The following AK8 variants were observed in gnomAD, a reference collection of about 807,000 sequenced individuals.
AK8 encodes the protein ATP-AMP transphosphorylase 8.
A neutral mutation model predicts 54.6 loss-of-function variants in AK8; 44 were observed. The ratio of observed to expected loss-of-function variants is 0.81; its 90% CI spans 0.63 to 1.04. AK8 has a LOEUF of 1.04. Ranked by LOEUF, AK8 falls within the 50% of genes least tolerant of loss-of-function variation. The pLI is 0.00. For synonymous variants in AK8, 239 were observed against 245.6 expected (o/e 0.97, Z 0.25); for missense variants, 555 against 613.6 (o/e 0.90, Z 1.01).
chr9:132,843,454 T>G (rs748631393), intron 5 of AK8, among the ~76,000 whole-genome samples: 1 of 152,182 alleles, frequency 6.6e-6, no homozygotes, highest in Non-Finnish European at 1.5e-5. Context: ...TAAACCTCAT[T>G]TCTTTATAAA....
At chr9:132,811,979 G>A (rs1841035693) in intron 10 of AK8, among the ~76,000 whole-genome samples, 1 of 152,186 alleles carries the variant, frequency 6.6e-6, no homozygotes, top group Non-Finnish European at 1.5e-5. Flanking sequence ...TACCTCAGCT[G>A]CTTGGCCATT....
chr9:132,731,383 G>A (rs1013698485), intron 11 of AK8, among the ~76,000 whole-genome samples: 1 of 152,128 alleles, frequency 6.6e-6, no homozygotes, highest in East Asian at 1.9e-4. Flanking sequence ...TCTTTTGGGC[G>A]TGTCTGTGCA....
chr9:132,819,906 A>G (rs912862934), intron 9 of AK8, among the ~76,000 whole-genome samples: 2 of 152,130 alleles, frequency 1.3e-5, no homozygotes, highest in African/African-American at 4.8e-5. Flanking sequence ...TACACAAGTC[A>G]AAAAAGAAAC....
intron 10 of AK8, among the ~76,000 whole-genome samples, chr9:132,801,007 C>T (rs1840429322): frequency 1.3e-5 from 2 of 151,584 alleles, no homozygotes; most frequent in African/African-American, 2.4e-5. Flanking sequence ...TCACTACAAC[C>T]TCTACCTCCT....
intron 10 of AK8, among the ~76,000 whole-genome samples, chr9:132,809,465 C>A (rs1840893050): frequency 6.6e-6 from 1 of 152,210 alleles, no homozygotes; most frequent in African/African-American, 2.4e-5. Flanking sequence ...CATCCTCCCG[C>A]TGGCAGGCAC....
At chr9:132,822,322 T>C (rs1165155378) in intron 9 of AK8, among the ~76,000 whole-genome samples, 1 of 149,118 alleles carries the variant, frequency 6.7e-6, no homozygotes, top group African/African-American at 2.5e-5. Context: ...TATGTGTATG[T>C]ATATACAAAT....
Position 132,826,741 on chromosome 9 carries a change from C to A in AK8, c.757+113G>T. 1 of 1,250,202 alleles carries A rather than the reference C, an allele frequency of 8.0e-7. No individual in the cohort carries two copies. The highest frequency in any genetic ancestry group is 2.4e-5 in the East Asian group (1 of 42,308). The allele number at this position is 1,250,202 out of a possible 1,614,324, so 77.4% of individuals were successfully genotyped here. On this transcript the variant is annotated intron_variant, in intron 8 of 12. Coordinates refer to ENST00000298545, the MANE Select transcript of AK8 (RefSeq NM_152572.3). This position sits in a 1 kb window ranked among gnomAD's most constrained non-coding sequence, Gnocchi z 4.5. Reference sequence around the variant, plus strand: ...ATCTATGTCTTGACTTCCAGGGTCCCAGGCATGTCCCAGACACTGGCCACT... The same window carrying A: ...ATCTATGTCTTGACTTCCAGGGTCCAAGGCATGTCCCAGACACTGGCCACT...
rs367566679 is a variant in AK8, at chr9:132,870,767, G to C, written c.170-3814C>G. ...CCCAGGCCCAGTAAGAGGAAGGGTT[G>C]AGGTCCTAGCTATAGTTACCCCAGG... On this transcript the variant is annotated intron_variant, in intron 2 of 12. Transcript: ENST00000298545. 1.1e-4 allele frequency among the ~76,000 whole-genome samples: 17 copies of C among 152,232 alleles called. 1 individual carries two copies. The highest frequency in any genetic ancestry group is 3.1e-4 in the African/African-American group (13 of 41,438).
At chr9:132,785,965 G>T (rs1345463956) in intron 11 of AK8, among the ~76,000 whole-genome samples, 1 of 152,192 alleles carries the variant, frequency 6.6e-6, no homozygotes, top group Admixed American at 6.5e-5. Context: ...GATAGGAAAG[G>T]CACTTTGAAA....
Position 132,781,685 on chromosome 9 carries a change from G to A in AK8, c.1121+10949C>T, listed in dbSNP as rs1839475066. Among the ~76,000 whole-genome samples, 1 of 151,980 alleles carries A rather than the reference G, an allele frequency of 6.6e-6. No homozygotes were observed. Among genetic ancestry groups the A allele is most frequent in the African/African-American group, 2.4e-5 (1 of 41,370 alleles). On this transcript the variant is annotated intron_variant, in intron 11 of 12. Transcript: ENST00000298545. The surrounding 1 kb of genome is among the most constrained non-coding windows in gnomAD (Gnocchi z 4.6). ...ATCGTATTCCCAGATTGATTTCTAGGCTATAATTCTGTCAAGATTTCCTCC... is the reference window on the plus strand; with the variant it reads ...ATCGTATTCCCAGATTGATTTCTAGACTATAATTCTGTCAAGATTTCCTCC...
At chr9:132,778,049 C>A (rs945128212) in intron 11 of AK8, among the ~76,000 whole-genome samples, 2 of 152,226 alleles carry the variant, frequency 1.3e-5, no homozygotes. Flanking sequence ...AGAATGATGT[C>A]AGGTCCTGTT....
At chr9:132,873,723 GC>G (rs60238728) in intron 2 of AK8, among the ~76,000 whole-genome samples, 34,584 of 151,930 alleles carry the variant, frequency 0.23, 4,297 homozygotes, top group East Asian at 0.45. Flanking sequence ...CACCCACTCG[GC>G]CTCAGGGTGG....
chr9:132,827,528 C>T (rs925259678), intron 7 of AK8: 1 of 212,160 alleles, frequency 4.7e-6, no homozygotes, highest in Non-Finnish European at 9.5e-6. Flanking sequence ...GCAGTCCCGT[C>T]TCCCCCCACC....
intron 10 of AK8, among the ~76,000 whole-genome samples, chr9:132,812,549 T>TGATCCGCCGCGCCCACTGGGATGACGGGG (rs1841099077): frequency 7.1e-6 from 1 of 140,358 alleles, no homozygotes; most frequent in Non-Finnish European, 1.6e-5. Flanking sequence ...GGATGACGGG[T>TGATCCGCCGCGCCCACTGGGATGACGGGG]GAGCCGCCGC....
At chr9:132,866,834 C>A in intron 3 of AK8, 70 bp downstream of exon 3, 2 of 1,386,940 alleles carry the variant, frequency 1.4e-6, no homozygotes, top group South Asian at 1.2e-5. Context: ...CACGGAGGTG[C>A]AGTCTCATTC....
At chr9:132,744,443 C>T (rs1166505377) in intron 11 of AK8, among the ~76,000 whole-genome samples, 2 of 148,792 alleles carry the variant, frequency 1.3e-5, no homozygotes, top group Admixed American at 1.3e-4. Flanking sequence ...AGGATAGATG[C>T]TGTTTTCAAA....
Position 132,828,090 on chromosome 9 carries a change from C to T in AK8, c.485-6G>A. 4 of 1,566,876 alleles carry T rather than the reference C, an allele frequency of 2.6e-6. No individual in the cohort carries two copies. Among genetic ancestry groups the T allele is most frequent in the Non-Finnish European group, 3.5e-6 (4 of 1,154,708 alleles). On this transcript the variant is annotated splice_polypyrimidine_tract_variant and splice_region_variant and intron_variant, in intron 6 of 12. Coordinates refer to ENST00000298545, the MANE Select transcript of AK8 (RefSeq NM_152572.3). ...GTCTGGAGCACTCAGCACAACTGGG[C>T]AGAGAAGAAAAGGAGCAAAACCAGG...
intron 5 of AK8, among the ~76,000 whole-genome samples, chr9:132,840,999 T>A (rs1842520430): frequency 6.6e-6 from 1 of 152,136 alleles, no homozygotes; most frequent in Non-Finnish European, 1.5e-5. Context: ...ACCCAAGTCA[T>A]CCAGCATGTA....
chr9:132,873,952 A>G (rs1340478108), intron 2 of AK8, among the ~76,000 whole-genome samples: 2 of 152,222 alleles, frequency 1.3e-5, no homozygotes, highest in Non-Finnish European at 1.5e-5. Flanking sequence ...GAGTCGCTGC[A>G]GGGCAGAGTA....
Sources: allele counts gnomAD v4.1 joint callset (sites outside exome capture counted in the v4.1 genomes callset), GRCh38; gene constraint gnomAD v4.1.1; non-coding constraint Gnocchi (gnomAD v3.1); transcripts MANE v1.5; gene names NCBI Gene and HGNC (gene_info 2026-07-23, HGNC 2026-07-21).